Variants in CACNA2D3 observed in about 807,000 individuals in gnomAD.
CACNA2D3 encodes calcium voltage-gated channel auxiliary subunit alpha2delta 3.
CACNA2D3 carries 60 observed loss-of-function variants against 160.6 expected under a neutral mutation model. The observed-to-expected ratio is 0.37, with a 90% confidence interval of 0.30 to 0.46. CACNA2D3 has a LOEUF of 0.46. CACNA2D3 is among the 20% of genes least tolerant of loss of function. CACNA2D3 has a pLI of 1.00. For missense variants in CACNA2D3, 1,205 were observed against 1,365.0 expected (o/e 0.88, Z 1.85); for synonymous variants, 558 against 492.9 (o/e 1.13, Z -1.75).
Position 54,570,090 on chromosome 3 carries a change from T to G in CACNA2D3, c.874T>G (p.Phe292Val), listed in dbSNP as rs1338780036. The change falls in exon 8 of 38, where the codon TTC (phenylalanine) becomes GTC (valine). Residue 292 changes from phenylalanine (F) to valine (V), a missense_variant. Phe to Val is a conservative substitution (Grantham distance 50). Around this residue, in one of 3 missense-constraint regions of CACNA2D3, gnomAD observed 911 missense variants for 1,002.2 expected, o/e 0.91. Transcript: ENST00000474759. Reference sequence around the variant, plus strand: ...GGATACACTTGGGGATGATGACTTCTTCAACATAATTGCTGTGAGTGCACC... The same window carrying G: ...GGATACACTTGGGGATGATGACTTCGTCAACATAATTGCTGTGAGTGCACC... Reference protein sequence around the residue: ...ILDTLGDDDFFNIIAYNEELH... With the variant: ...ILDTLGDDDFVNIIAYNEELH... The G allele has an allele frequency of 1.2e-6, 2 of 1,613,508 alleles. No individual in the cohort carries two copies. Among genetic ancestry groups the G allele is most frequent in the South Asian group, 1.1e-5 (1 of 91,030 alleles).
chr3:54,400,950 A>G (rs181041597), intron 4 of CACNA2D3, among the ~76,000 whole-genome samples: 7 of 152,322 alleles, frequency 4.6e-5, no homozygotes, highest in African/African-American at 1.7e-4. Context: ...AATGATTGTG[A>G]GGAAACTCTG....
chr3:55,064,978 A>T (rs1405640991), intron 35 of CACNA2D3, among the ~76,000 whole-genome samples: 2 of 152,178 alleles, frequency 1.3e-5, no homozygotes, highest in Non-Finnish European at 2.9e-5. Context: ...CTCTGATTTA[A>T]TTGCATAGGC....
intron 27 of CACNA2D3, among the ~76,000 whole-genome samples, chr3:54,921,151 A>G (rs953117196): frequency 6.6e-6 from 1 of 152,174 alleles, no homozygotes; most frequent in Non-Finnish European, 1.5e-5. Flanking sequence ...CAGCTTGCCA[A>G]GCACTCATTG....
chr3:54,715,673 A>G (rs1454720471), intron 11 of CACNA2D3, among the ~76,000 whole-genome samples: 1 of 152,148 alleles, frequency 6.6e-6, no homozygotes, highest in Non-Finnish European at 1.5e-5. Context: ...TGGAGATCCA[A>G]GTATTTTATG....
intron 2 of CACNA2D3, among the ~76,000 whole-genome samples, chr3:54,314,919 C>T (rs980629002): frequency 6.6e-6 from 1 of 152,200 alleles, no homozygotes; most frequent in South Asian, 2.1e-4. Flanking sequence ...TCCTCTCTGC[C>T]TTCCTTTTGT....
At chr3:54,941,049 T>A (rs1274233728) in intron 27 of CACNA2D3, among the ~76,000 whole-genome samples, 1 of 152,238 alleles carries the variant, frequency 6.6e-6, no homozygotes, top group East Asian at 1.9e-4. Context: ...TTTTCTCCAG[T>A]GATTAAAGCA....
chr3:54,641,083 T>G (rs1699508632), intron 10 of CACNA2D3, among the ~76,000 whole-genome samples: 1 of 151,932 alleles, frequency 6.6e-6, no homozygotes, highest in Non-Finnish European at 1.5e-5. Flanking sequence ...TATTTAAAGA[T>G]ATTTATTCTG....
At chr3:54,795,393 ATTGT>A (rs141966024) in intron 13 of CACNA2D3, among the ~76,000 whole-genome samples, 2,266 of 151,778 alleles carry the variant, frequency 0.015, 24 homozygotes, top group Non-Finnish European at 0.025. Context: ...TTACCTATTG[ATTGT>A]TTTACCACTT....
chr3:54,866,174 G>A (rs57117351), intron 17 of CACNA2D3, among the ~76,000 whole-genome samples: 70 of 152,188 alleles, frequency 4.6e-4, no homozygotes, highest in African/African-American at 1.6e-3. Flanking sequence ...GAAATATTAG[G>A]TGTCCAACAG....
At chr3:54,523,155 A>C (rs760139209) in intron 5 of CACNA2D3, among the ~76,000 whole-genome samples, 1 of 152,148 alleles carries the variant, frequency 6.6e-6, no homozygotes, top group Non-Finnish European at 1.5e-5. Context: ...TTTCACCATT[A>C]AGTGGGATGT....
chr3:55,030,057 C>T (rs570305530), intron 35 of CACNA2D3, among the ~76,000 whole-genome samples: 1 of 152,284 alleles, frequency 6.6e-6, no homozygotes, highest in Admixed American at 6.5e-5. Flanking sequence ...GAAGGCTCTT[C>T]ATCTTATTTT....
At chr3:54,717,544 ATGTGTGG>A (rs1324842159) in intron 11 of CACNA2D3, among the ~76,000 whole-genome samples, 6 of 69,106 alleles carry the variant, frequency 8.7e-5, no homozygotes. Flanking sequence ...TGTGGTGTGC[ATGTGTGG>A]TGTGTGTGTG....
At chr3:54,711,117 T>C (rs188791781) in intron 11 of CACNA2D3, among the ~76,000 whole-genome samples, 37 of 152,268 alleles carry the variant, frequency 2.4e-4, no homozygotes, top group East Asian at 1.2e-3. Context: ...TTATCCTAAT[T>C]GTGCCATAAA....
intron 11 of CACNA2D3, among the ~76,000 whole-genome samples, chr3:54,686,378 T>C (rs186847869): frequency 6.6e-6 from 1 of 152,344 alleles, no homozygotes; most frequent in Admixed American, 6.5e-5. Flanking sequence ...AAACTGCAGA[T>C]GGTTCAGATT....
intron 3 of CACNA2D3, among the ~76,000 whole-genome samples, chr3:54,336,198 T>C (rs1704373924): frequency 6.6e-6 from 1 of 152,036 alleles, no homozygotes; most frequent in Admixed American, 6.6e-5. Context: ...GCCCTCCTGC[T>C]CTGCACAGCC....
chr3:54,454,423 T>C (rs142404298), intron 4 of CACNA2D3, among the ~76,000 whole-genome samples: 99 of 152,308 alleles, frequency 6.5e-4, no homozygotes, highest in African/African-American at 2.1e-3. Context: ...CTGATTGGCT[T>C]TTATTATTAT....
intron 11 of CACNA2D3, among the ~76,000 whole-genome samples, chr3:54,688,880 G>A (rs1280992016): frequency 2.0e-5 from 3 of 149,616 alleles, no homozygotes; most frequent in South Asian, 2.1e-4. Flanking sequence ...TACTCAGGAG[G>A]CTGAGGCAGG....
chr3:54,709,995 G>A (rs1010762674), intron 11 of CACNA2D3, among the ~76,000 whole-genome samples: 5 of 152,138 alleles, frequency 3.3e-5, no homozygotes, highest in Non-Finnish European at 7.3e-5. Flanking sequence ...AACAACAAAA[G>A]TCTTTTGTTT....
chr3:54,284,530 T>C (rs1702960882), intron 2 of CACNA2D3, among the ~76,000 whole-genome samples: 1 of 152,130 alleles, frequency 6.6e-6, no homozygotes, highest in Non-Finnish European at 1.5e-5. Context: ...CTAGAATTAT[T>C]TCAAATTCAA....
Sources: allele counts gnomAD v4.1 joint callset (sites outside exome capture counted in the v4.1 genomes callset), GRCh38; gene constraint gnomAD v4.1.1; regional missense constraint gnomAD v4.1.1; transcripts MANE v1.5; gene names NCBI Gene and HGNC (gene_info 2026-07-23, HGNC 2026-07-21).